The following SEC24A variants were observed in gnomAD, a reference collection of about 807,000 sequenced individuals.
SEC24A encodes the protein protein transport protein Sec24A.
A neutral mutation model predicts 129.4 loss-of-function variants in SEC24A; 93 were observed. That is an observed-to-expected ratio of 0.72 (90% CI 0.61 to 0.85). The LOEUF is 0.85. Ranked by LOEUF, SEC24A falls within the 40% of genes least tolerant of loss-of-function variation. SEC24A has a pLI of 0.00. For synonymous variants in SEC24A, 460 were observed against 467.3 expected (o/e 0.98, Z 0.20); for missense variants, 1,264 against 1,307.4 (o/e 0.97, Z 0.51).
chr5:134,670,759 G>A (rs1339452501), intron 3 of SEC24A, among the ~76,000 whole-genome samples: 2 of 152,156 alleles, frequency 1.3e-5, no homozygotes, highest in Non-Finnish European at 2.9e-5. Flanking sequence ...GGAGGCCAAG[G>A]CACGCGGATC....
intron 1 of SEC24A, among the ~76,000 whole-genome samples, chr5:134,649,513 G>A (rs1326165294): frequency 6.6e-6 from 1 of 152,120 alleles, no homozygotes; most frequent in Non-Finnish European, 1.5e-5. Context: ...CCTCACCCCA[G>A]TCTCCTAGAG....
intron 19 of SEC24A, among the ~76,000 whole-genome samples, chr5:134,717,318 C>G (rs531849704): frequency 9.9e-5 from 15 of 151,408 alleles, no homozygotes; most frequent in Non-Finnish European, 2.2e-4. Flanking sequence ...CCAGCCTGGC[C>G]AACATGGTGA....
At chr5:134,681,263 GGTGGC>G (rs1023142252) in intron 8 of SEC24A, among the ~76,000 whole-genome samples, 5 of 151,374 alleles carry the variant, frequency 3.3e-5, no homozygotes, top group African/African-American at 1.2e-4. Flanking sequence ...AGCTGGGTGT[GGTGGC>G]GGGCACCTGT....
intron 7 of SEC24A, among the ~76,000 whole-genome samples, chr5:134,678,684 C>T (rs1220567087): frequency 1.3e-5 from 2 of 151,950 alleles, no homozygotes; most frequent in Non-Finnish European, 2.9e-5. Flanking sequence ...AGGGTTGAAG[C>T]AATTCTCCTG....
At chr5:134,712,177 T>C (rs1024547474) in intron 18 of SEC24A, among the ~76,000 whole-genome samples, 4 of 152,144 alleles carry the variant, frequency 2.6e-5, no homozygotes, top group East Asian at 1.9e-4. Context: ...TTGTCTGTTA[T>C]GTGTAGTTTT....
Position 134,660,465 on chromosome 5 carries a change from A to G in SEC24A, c.98-654A>G, listed in dbSNP as rs181603885. ...GCAACATTGGGCTGTGAGATGGCCT[A>G]TTTTTATCCAAGTGACCCAACATAT... On this transcript the variant is annotated intron_variant, in intron 1 of 22. Coordinates refer to ENST00000398844, the MANE Select transcript of SEC24A (RefSeq NM_021982.3). Among the ~76,000 whole-genome samples the G allele has an allele frequency of 7.2e-5, 11 of 152,102 alleles. No individual in the cohort carries two copies. In the East Asian group the frequency reaches 1.3e-3, roughly 19 times the overall value.
At chr5:134,667,264 G>C (rs1750693996) in intron 3 of SEC24A, among the ~76,000 whole-genome samples, 1 of 152,002 alleles carries the variant, frequency 6.6e-6, no homozygotes, top group African/African-American at 2.4e-5. Flanking sequence ...TGGCTATAAA[G>C]TCAGGTGGCT....
At position 134,648,947 on chromosome 5, in the gene SEC24A, G is replaced by T; in HGVS notation, c.-130G>T. 1 of 620,456 alleles carries T rather than the reference G, an allele frequency of 1.6e-6. No homozygotes were observed. 38.4% of individuals were successfully genotyped at this position (620,456 alleles called of 1,614,324 possible). A position where few individuals can be genotyped will look rare whatever the true frequency, so the allele number is the denominator to read the frequency against. On this transcript the variant is annotated 5_prime_UTR_variant, in exon 1 of 23. Transcript: ENST00000398844. ...CGGCGCCATGCCTCGGGCTTAATGCGCCCCCCCCTCTTCTCCCAGTCTTCA... is the reference window on the plus strand; with the variant it reads ...CGGCGCCATGCCTCGGGCTTAATGCTCCCCCCCCTCTTCTCCCAGTCTTCA...
chr5:134,710,427 T>C (rs1245161488), intron 18 of SEC24A, among the ~76,000 whole-genome samples: 1 of 152,096 alleles, frequency 6.6e-6, no homozygotes, highest in Non-Finnish European at 1.5e-5. Flanking sequence ...GAGACAGGGT[T>C]TCACCATATT....
intron 4 of SEC24A, among the ~76,000 whole-genome samples, chr5:134,674,067 A>G (rs1750968443): frequency 6.6e-6 from 1 of 152,128 alleles, no homozygotes; most frequent in South Asian, 2.1e-4. Flanking sequence ...CGGGAGGTAG[A>G]GGTTGCAGTG....
At chr5:134,673,872 T>C (rs1266296687) in intron 4 of SEC24A, among the ~76,000 whole-genome samples, 2 of 152,130 alleles carry the variant, frequency 1.3e-5, no homozygotes, top group African/African-American at 4.8e-5. Context: ...CGGTGGCTCA[T>C]GGCCTGTAAT....
rs372741218 is a variant in SEC24A, at chr5:134,718,191, T to C, written c.2970+18T>C. The stretch of plus-strand genomic sequence containing the variant: ...CAGGCTCTGTAAGTAATTTGACTTA[T>C]CCTGACCCTCACTGCAAACTACTAT... On this transcript the variant is annotated intron_variant, in intron 20 of 22. Coordinates refer to ENST00000398844, the MANE Select transcript of SEC24A (RefSeq NM_021982.3). 1.0e-5 allele frequency: 16 copies of C among 1,554,562 alleles called. No homozygotes were observed. Among genetic ancestry groups the C allele is most frequent in the Middle Eastern group, 1.7e-4 (1 of 5,968 alleles).
Position 134,679,610 on chromosome 5 carries a change from T to C in SEC24A, c.1263T>C (p.Pro421=). 6.4e-7 allele frequency: 1 copy of C among 1,553,996 alleles called. No homozygotes were observed. The highest frequency in any genetic ancestry group is 1.2e-5 in the South Asian group (1 of 81,924). Residue 421 remains proline (P), a synonymous_variant, in exon 8 of 23, where the codon CCT becomes CCC. Coordinates refer to ENST00000398844, the MANE Select transcript of SEC24A (RefSeq NM_021982.3). ...LHPFKDLVQL[P]VVTSSTIVRC... ...TGTTTTTTTTTTTCCAGCAATTGCC[T>C]GTGGTTACCTCCAGTACAATTGTGA... is the stretch of plus-strand genomic sequence containing the variant.
chr5:134,676,368 G>T (rs1197230111), intron 7 of SEC24A, among the ~76,000 whole-genome samples: 1 of 150,202 alleles, frequency 6.7e-6, no homozygotes, highest in East Asian at 1.9e-4. Flanking sequence ...TTGAACTCCT[G>T]ACCTCGTGAT....
intron 2 of SEC24A, among the ~76,000 whole-genome samples, chr5:134,666,619 G>T (rs1385567922): frequency 1.3e-5 from 2 of 150,862 alleles, no homozygotes; most frequent in Non-Finnish European, 3.0e-5. Context: ...AAGGGAGGGA[G>T]GGAGAGAAGG....
At chr5:134,679,246 G>A (rs1751177018) in intron 7 of SEC24A, among the ~76,000 whole-genome samples, 1 of 146,710 alleles carries the variant, frequency 6.8e-6, no homozygotes, top group Non-Finnish European at 1.5e-5. Context: ...TTTTGAGAGG[G>A]TCATGTTTCA....
intron 10 of SEC24A, 23 bp downstream of exon 10, chr5:134,686,925 A>T: frequency 8.2e-7 from 1 of 1,226,304 alleles, no homozygotes; most frequent in Non-Finnish European, 1.2e-6. Context: ...ATTCAGCTTA[A>T]ATATGAAACT....
intron 11 of SEC24A, among the ~76,000 whole-genome samples, chr5:134,690,298 G>T (rs1751597243): frequency 6.6e-6 from 1 of 152,106 alleles, no homozygotes; most frequent in South Asian, 2.1e-4. Flanking sequence ...GGGATTACAG[G>T]TGTGAGTCAC....
At chr5:134,693,358 TA>T in intron 12 of SEC24A, 4 of 1,368,226 alleles carry the variant, frequency 2.9e-6, no homozygotes, top group Non-Finnish European at 3.8e-6. Flanking sequence ...AGGGAAGAGC[TA>T]AACTCGCTTT....
Sources: allele counts gnomAD v4.1 joint callset (sites outside exome capture counted in the v4.1 genomes callset), GRCh38; gene constraint gnomAD v4.1.1; transcripts MANE v1.5; gene names NCBI Gene and HGNC (gene_info 2026-07-23, HGNC 2026-07-21).